ZAN: variants seen among roughly 807,000 people sequenced by gnomAD.
ZAN encodes zonadhesin.
In ZAN, 260 loss-of-function variants were observed where a neutral mutation model predicts 286.2. That is an observed-to-expected ratio of 0.91 (90% CI 0.82 to 1.01). The LOEUF (loss-of-function observed/expected upper bound fraction) is 1.01. Ranked by LOEUF, ZAN falls within the 50% of genes least tolerant of loss-of-function variation. The pLI, the probability that ZAN is intolerant of heterozygous loss-of-function variation, is 0.00. For synonymous variants in ZAN, 1,368 were observed against 1,417.5 expected (o/e 0.97, Z 0.79); for missense variants, 3,410 against 3,639.2 (o/e 0.94, Z 1.62).
chr7:100,775,341 T>A lies in ZAN; in HGVS notation c.5793T>A (p.Cys1931Ter). 1 of 1,613,134 alleles carries A rather than the reference T, an allele frequency of 6.2e-7. No individual in the cohort carries two copies. Among genetic ancestry groups the A allele is most frequent in the Non-Finnish European group, 8.5e-7 (1 of 1,179,602 alleles). The change falls in exon 32 of 48, where the codon TGT becomes TGA. Residue 1931 changes from cysteine (C) to a stop codon, truncating the protein, a stop_gained. Transcript: ENST00000613979. LOFTEE classifies it high-confidence loss of function. ...LHCRASGVGV[C>*]QLPGESHYVS... ...CTGTCCTCCCAGGTGTGGGAGTGTG[T>A]CAGCTCCCAGGGGAGTCCCACTACG...
In ZAN at chr7:100,768,031, G is replaced by C; in HGVS notation, c.5041+20G>C. ...TGTGTGGTGAGTTTCCTGGGCACCTGCGGGGAAAGCTGGGACAATGAGTAG... is the reference window on the plus strand; with the variant it reads ...TGTGTGGTGAGTTTCCTGGGCACCTCCGGGGAAAGCTGGGACAATGAGTAG... On this transcript the variant is annotated intron_variant, in intron 26 of 47. Transcript: ENST00000613979. 1 of 1,601,552 alleles carries C rather than the reference G, an allele frequency of 6.2e-7. No homozygotes were observed. The highest frequency in any genetic ancestry group is 8.5e-7 in the Non-Finnish European group (1 of 1,173,648).
rs576058004 is a variant in ZAN at position 100,776,570 on chromosome 7, G to A, written c.6317+6G>A. ...GATAAGGACATTGACCCAAGGTAGTGGTCCCCTAAGACCCTCTAGGTTTTC... is the reference window on the plus strand; with the variant it reads ...GATAAGGACATTGACCCAAGGTAGTAGTCCCCTAAGACCCTCTAGGTTTTC... On this transcript the variant is annotated splice_donor_region_variant and intron_variant, in intron 34 of 47. Coordinates refer to ENST00000613979, the MANE Select transcript of ZAN (RefSeq NM_003386.3). The A allele has an allele frequency of 3.2e-6, 5 of 1,550,474 alleles. No individual in the cohort carries two copies. The East Asian group carries it at 1.2e-4, about 38-fold the overall frequency.
rs1384545695 is a variant in ZAN at position 100,772,155 on chromosome 7, G to A, written c.5425+135G>A. ...GTTGCCCAGGCTGGAGTGCAGTGGCGCAATCTCGGCTCACTGCAACCTCTA... is the reference window on the plus strand; with the variant it reads ...GTTGCCCAGGCTGGAGTGCAGTGGCACAATCTCGGCTCACTGCAACCTCTA... On this transcript the variant is annotated intron_variant, in intron 29 of 47. Transcript: ENST00000613979. 36 of 1,123,458 alleles carry A rather than the reference G, an allele frequency of 3.2e-5. No individual in the cohort carries two copies. The Admixed American group carries it at 3.3e-4, about 10-fold the overall frequency. The allele number at this position is 1,123,458 out of a possible 1,614,324, so 69.6% of individuals were successfully genotyped here.
chr7:100,765,947 A>T lies in ZAN; in HGVS notation c.4470+393A>T, dbSNP rs182301402. On this transcript the variant is annotated intron_variant, in intron 23 of 47. Coordinates refer to ENST00000613979, the MANE Select transcript of ZAN (RefSeq NM_003386.3). Reference sequence around the variant, plus strand: ...GCTGGGATTACAGGCATGAGCCACCATGCCTGGCCCTTGTTTTTTGGTTTT... The same window carrying T: ...GCTGGGATTACAGGCATGAGCCACCTTGCCTGGCCCTTGTTTTTTGGTTTT... 5.3e-3 allele frequency among the ~76,000 whole-genome samples: 793 copies of T among 149,660 alleles called. 6 individuals are homozygous for T. Among genetic ancestry groups the T allele is most frequent in the African/African-American group, 0.018 (744 of 40,710 alleles).
chr7:100,786,714 C>G (rs1811586878), intron 37 of ZAN, among the ~76,000 whole-genome samples: 2 of 152,060 alleles, frequency 1.3e-5, no homozygotes. Context: ...CCCGCCCCCT[C>G]TAAGGTTTTT....
rs1412777305 is a variant in ZAN, at chr7:100,737,082, T to G, written c.525+2T>G. The stretch of plus-strand genomic sequence containing the variant: ...GCAGGGTTCACCCTGCCCACCCGGG[T>G]AAGGCCGGGGACAAATTGTGGGACC... On this transcript the variant is annotated splice_donor_variant, in intron 5 of 47. Coordinates refer to ENST00000613979, the MANE Select transcript of ZAN (RefSeq NM_003386.3). LOFTEE classifies it high-confidence loss of function. 2 of 1,489,140 alleles carry G rather than the reference T, an allele frequency of 1.3e-6. No homozygotes were observed. The highest frequency in any genetic ancestry group is 2.9e-5 in the African/African-American group (2 of 69,920). 92.2% of individuals were successfully genotyped at this position (1,489,140 alleles called of 1,614,324 possible).
chr7:100,779,691 G>C lies in ZAN; in HGVS notation c.6563G>C (p.Gly2188Ala), dbSNP rs966821604. 3 of 1,561,672 alleles carry C rather than the reference G, an allele frequency of 1.9e-6. No individual in the cohort carries two copies. Among genetic ancestry groups the C allele is most frequent in the African/African-American group, 2.7e-5 (2 of 73,478 alleles). Residue 2188 changes from glycine (G) to alanine (A), a missense_variant, in exon 35 of 48, where the codon GGG (glycine) becomes GCG (alanine). Physicochemically the swap from Gly to Ala is moderately conservative, Grantham distance 60 (BLOSUM62 0). Around this residue, in one of 7 missense-constraint regions of ZAN, gnomAD observed 1,289 missense variants for 1,314.3 expected, o/e 0.98. Coordinates refer to ENST00000613979, the MANE Select transcript of ZAN (RefSeq NM_003386.3). ...CTCTGCCAGGCTCTGCAAGCCTTCGGGGCCACCTGCCAGAGCCAGGGGCTC... is the reference window on the plus strand; with the variant it reads ...CTCTGCCAGGCTCTGCAAGCCTTCGCGGCCACCTGCCAGAGCCAGGGGCTC... Reference protein sequence around the residue: ...QALCQALQAFGATCQSQGLKP... With the variant: ...QALCQALQAFAATCQSQGLKP...
chr7:100,753,731 G>A (rs1254880869), intron 14 of ZAN, among the ~76,000 whole-genome samples: 1 of 151,330 alleles, frequency 6.6e-6, no homozygotes, highest in African/African-American at 2.4e-5. Context: ...TACTCGGGAG[G>A]CTGAGGTGGG....
chr7:100,777,465 G>A (rs907520721), intron 34 of ZAN, among the ~76,000 whole-genome samples: 1 of 150,942 alleles, frequency 6.6e-6, no homozygotes, highest in Non-Finnish European at 1.5e-5. Context: ...AGCAATTCTC[G>A]TGCCTCAACC....
chr7:100,778,167 C>T (rs1810946456), intron 34 of ZAN, among the ~76,000 whole-genome samples: 1 of 151,028 alleles, frequency 6.6e-6, no homozygotes, highest in Admixed American at 6.6e-5. Flanking sequence ...ATTAGCCAGC[C>T]ATGGTGGCAC....
intron 19 of ZAN, among the ~76,000 whole-genome samples, chr7:100,761,163 G>A (rs921393543): frequency 6.6e-6 from 1 of 152,054 alleles, no homozygotes; most frequent in Non-Finnish European, 1.5e-5. Context: ...CAAAGTCTTG[G>A]AATTACAGGG....
intron 35 of ZAN, 37 bp from the exon 36 acceptor site, chr7:100,784,586 A>G (rs1811433500): frequency 6.2e-7 from 1 of 1,606,444 alleles, no homozygotes; most frequent in Non-Finnish European, 8.5e-7. Flanking sequence ...GCCCCCTGTG[A>G]CCCTCTCCAC....
At chr7:100,772,752 T>C (rs969806578) in intron 29 of ZAN, among the ~76,000 whole-genome samples, 128 of 148,826 alleles carry the variant, frequency 8.6e-4, no homozygotes, top group African/African-American at 2.6e-3. Context: ...ATCTGGGAGG[T>C]GGAGCTTGCA....
intron 31 of ZAN, 83 bp from the exon 32 acceptor site, chr7:100,775,245 A>G (rs1034528034): frequency 2.0e-6 from 3 of 1,515,528 alleles, no homozygotes; most frequent in African/African-American, 2.8e-5. Context: ...TCTGGAAGGC[A>G]GGGAGAACCC....
rs1478146013 is a variant in ZAN at position 100,740,286 on chromosome 7, C to T, written c.766+1673C>T. On this transcript the variant is annotated intron_variant, in intron 7 of 47. Transcript: ENST00000613979. ...GATTTTGAGCAGTGACTTGATCTGACTTATTTATTTTTTTTTTTTTAATTT... is the reference window on the plus strand; with the variant it reads ...GATTTTGAGCAGTGACTTGATCTGATTTATTTATTTTTTTTTTTTTAATTT... Among the ~76,000 whole-genome samples the T allele has an allele frequency of 2.5e-5, 3 of 121,308 alleles. 1 individual carries two copies. Among genetic ancestry groups the T allele is most frequent in the Non-Finnish European group, 3.5e-5 (2 of 57,076 alleles). The allele number at this position is 121,308 out of a possible 152,430, so 79.6% of individuals were successfully genotyped here.
intron 22 of ZAN, among the ~76,000 whole-genome samples, chr7:100,764,912 T>C (rs537495801): frequency 3.3e-5 from 5 of 150,766 alleles, no homozygotes; most frequent in South Asian, 4.2e-4. Context: ...GCAGCCCAAG[T>C]CATCACACGC....
intron 22 of ZAN, 103 bp downstream of exon 22, chr7:100,764,299 T>C: frequency 7.3e-7 from 1 of 1,367,436 alleles, no homozygotes; most frequent in Non-Finnish European, 9.6e-7. Flanking sequence ...GATCAGGAGT[T>C]TGGGACCAGC....
At chr7:100,734,316 A>AACT in intron 2 of ZAN, 95 bp downstream of exon 2, 1 of 926,546 alleles carries the variant, frequency 1.1e-6, no homozygotes, top group East Asian at 3.0e-5. Flanking sequence ...CGAGCAGGCT[A>AACT]ACTACAAAAG....
At chr7:100,796,695 C>T (rs117779130) in intron 45 of ZAN, among the ~76,000 whole-genome samples, 14,589 of 152,054 alleles carry the variant, frequency 0.096, 785 homozygotes, top group African/African-American at 0.16. Flanking sequence ...GGATTACAGG[C>T]GTGAGCCTTT....
Sources: gnomAD v4.1 joint callset for allele counts (sites outside exome capture counted in the v4.1 genomes callset) on GRCh38, gnomAD v4.1.1 for gene constraint, gnomAD v4.1.1 regional missense constraint, MANE v1.5 for transcripts, NCBI Gene and HGNC (gene_info 2026-07-23, HGNC 2026-07-21) for gene names.